Variants in CA8 observed in about 807,000 individuals in gnomAD.
CA8 encodes carbonic anhydrase-related protein.
CA8 carries 22 observed loss-of-function variants against 41.4 expected under a neutral mutation model. The ratio of observed to expected loss-of-function variants is 0.53; its 90% CI spans 0.38 to 0.76. The LOEUF (loss-of-function observed/expected upper bound fraction) is 0.76. Among genes scored for constraint, CA8 ranks in the 30% least tolerant of loss-of-function variants. The pLI is 0.00. For missense variants in CA8, 270 were observed against 352.8 expected (o/e 0.77, Z 1.88); for synonymous variants, 121 against 130.6 (o/e 0.93, Z 0.50).
chr8:60,259,115 G>C (rs1803649321), intron 3 of CA8, among the ~76,000 whole-genome samples: 1 of 152,192 alleles, frequency 6.6e-6, no homozygotes, highest in Non-Finnish European at 1.5e-5. Flanking sequence ...ATGGATGGAT[G>C]GGTGGACGGA....
chr8:60,224,873 T>G (rs968325920), intron 5 of CA8, among the ~76,000 whole-genome samples: 1 of 152,142 alleles, frequency 6.6e-6, no homozygotes, highest in Non-Finnish European at 1.5e-5. Flanking sequence ...TTACCTTTTC[T>G]GCTCTGAGCA....
chr8:60,238,069 A>T (rs1563362363), intron 3 of CA8, among the ~76,000 whole-genome samples: 1 of 152,166 alleles, frequency 6.6e-6, no homozygotes, highest in Non-Finnish European at 1.5e-5. Flanking sequence ...GCAACTGATT[A>T]TGCTGCCTTA....
chr8:60,195,027 T>C (rs116417276), intron 8 of CA8, among the ~76,000 whole-genome samples: 2,618 of 152,320 alleles, frequency 0.017, 32 homozygotes, highest in Middle Eastern at 0.048. Flanking sequence ...ACAAATTTAT[T>C]TGGTAAAACC....
intron 3 of CA8, among the ~76,000 whole-genome samples, chr8:60,254,714 A>T (rs1279233847): frequency 3.3e-5 from 5 of 152,202 alleles, no homozygotes; most frequent in Non-Finnish European, 7.3e-5. Context: ...AGTTATATCC[A>T]TGGTTCAAAT....
At chr8:60,205,344 C>T (rs7841174) in intron 8 of CA8, among the ~76,000 whole-genome samples, 73,402 of 152,002 alleles carry the variant, frequency 0.48, 19,256 homozygotes, top group African/African-American at 0.7. Flanking sequence ...AGCGTCAGAA[C>T]AGCCTTTTAA....
intron 7 of CA8, among the ~76,000 whole-genome samples, chr8:60,220,790 G>A (rs766589182): frequency 6.6e-6 from 1 of 152,106 alleles, no homozygotes; most frequent in South Asian, 2.1e-4. Context: ...CCGCCGTTAG[G>A]GTAGTTATGT....
intron 2 of CA8, among the ~76,000 whole-genome samples, chr8:60,278,982 C>T (rs77683243): frequency 0.02 from 2,984 of 152,196 alleles, 84 homozygotes; most frequent in African/African-American, 0.066. Flanking sequence ...TTTTAAAAAT[C>T]TGATTTCCTC....
chr8:60,269,675 C>G (rs546556718), intron 2 of CA8, among the ~76,000 whole-genome samples: 3 of 152,284 alleles, frequency 2.0e-5, no homozygotes, highest in East Asian at 1.9e-4. Context: ...AGTGCTCAAG[C>G]CTTATTCCTT....
At chr8:60,254,547 G>T (rs1436620119) in intron 3 of CA8, among the ~76,000 whole-genome samples, 2 of 152,194 alleles carry the variant, frequency 1.3e-5, no homozygotes, top group East Asian at 3.8e-4. Flanking sequence ...TGTAATATTT[G>T]TTCTCCGCAA....
rs1805954885 is a variant in CA8 at position 60,186,068 on chromosome 8, C to T, written c.*3953G>A. 6.6e-6 allele frequency among the ~76,000 whole-genome samples: 1 copy of T among 151,914 alleles called. No individual in the cohort carries two copies. The highest frequency in any genetic ancestry group is 6.6e-5 in the Admixed American group (1 of 15,266). The stretch of plus-strand genomic sequence containing the variant: ...AGTAAGAAATCACACCAGATGGTGA[C>T]TCAAATTTACAAGACAAAATGAACA... On this transcript the variant is annotated 3_prime_UTR_variant, in exon 9 of 9. Coordinates refer to ENST00000317995, the MANE Select transcript of CA8 (RefSeq NM_004056.6).
At chr8:60,198,000 A>G (rs1806327139) in intron 8 of CA8, among the ~76,000 whole-genome samples, 1 of 152,198 alleles carries the variant, frequency 6.6e-6, no homozygotes, top group Admixed American at 6.5e-5. Context: ...GAAAAAATGA[A>G]AACATATGGT....
intron 3 of CA8, among the ~76,000 whole-genome samples, chr8:60,235,618 T>A (rs1204394473): frequency 6.6e-6 from 1 of 152,176 alleles, no homozygotes; most frequent in Non-Finnish European, 1.5e-5. Context: ...GTGCCTTATA[T>A]TAATTAGTGC....
At chr8:60,239,180 C>T (rs1219502087) in intron 3 of CA8, among the ~76,000 whole-genome samples, 5 of 152,064 alleles carry the variant, frequency 3.3e-5, no homozygotes, top group African/African-American at 7.2e-5. Flanking sequence ...CACAGCTCAC[C>T]GCAGCCTTGA....
intron 7 of CA8, among the ~76,000 whole-genome samples, chr8:60,210,053 AC>A (rs1304077193): frequency 6.6e-6 from 1 of 152,228 alleles, no homozygotes; most frequent in Non-Finnish European, 1.5e-5. Flanking sequence ...CAGTCACATG[AC>A]ACATTCTTCA....
chr8:60,246,573 C>T (rs961092787), intron 3 of CA8, among the ~76,000 whole-genome samples: 4 of 152,092 alleles, frequency 2.6e-5, no homozygotes, highest in African/African-American at 2.4e-5. Flanking sequence ...GCTGGGATTG[C>T]AGATGTGAGC....
At chr8:60,264,859 A>G (rs1046391009) in intron 3 of CA8, 23 of 152,312 alleles carry the variant, frequency 1.5e-4, no homozygotes, top group Admixed American at 7.8e-4. Flanking sequence ...CTTCAACAGA[A>G]TACTCTAAAA....
chr8:60,278,701 T>A (rs1464725790), intron 2 of CA8, among the ~76,000 whole-genome samples: 1 of 152,198 alleles, frequency 6.6e-6, no homozygotes, highest in Non-Finnish European at 1.5e-5. Context: ...ACTACATGAA[T>A]CTATGACTAT....
At chr8:60,228,615 T>C (rs937386684) in intron 4 of CA8, among the ~76,000 whole-genome samples, 3 of 152,192 alleles carry the variant, frequency 2.0e-5, no homozygotes, top group Non-Finnish European at 4.4e-5. Flanking sequence ...GTAGTTAACC[T>C]CTACATCCTT....
chr8:60,277,625 G>C (rs182469796), intron 2 of CA8, among the ~76,000 whole-genome samples: 99 of 152,232 alleles, frequency 6.5e-4, no homozygotes, highest in Admixed American at 4.5e-3. Flanking sequence ...AAAGTGCTGG[G>C]ATTACACTTG....
Sources: gnomAD v4.1 joint callset for allele counts (sites outside exome capture counted in the v4.1 genomes callset) on GRCh38, gnomAD v4.1.1 for gene constraint, MANE v1.5 for transcripts, NCBI Gene and HGNC (gene_info 2026-07-23, HGNC 2026-07-21) for gene names.